The following SF3A1 variants were observed in gnomAD, a reference collection of about 807,000 sequenced individuals.
SF3A1 encodes splicing factor 3a subunit 1, also known as SAP 114.
Under a neutral mutation model 89.9 loss-of-function variants are expected in SF3A1, and 13 were observed. The observed-to-expected ratio is 0.14, with a 90% CI of 0.09 to 0.23. The LOEUF (loss-of-function observed/expected upper bound fraction) is 0.23. Ranked by LOEUF, SF3A1 falls within the 10% of genes least tolerant of loss-of-function variation. The probability of loss-of-function intolerance (pLI) is 1.00; values close to 1 mark genes in which losing one functional copy is unlikely to be tolerated. For synonymous variants in SF3A1, 405 were observed against 374.4 expected (o/e 1.08, Z -0.94); for missense variants, 604 against 1,022.1 (o/e 0.59, Z 5.58).
At chr22:30,335,921 C>T (rs949375848) in intron 13 of SF3A1, among the ~76,000 whole-genome samples, 168 bp from the exon 14 acceptor site, 10 of 152,302 alleles carry the variant, frequency 6.6e-5, no homozygotes, top group African/African-American at 2.4e-4. Flanking sequence ...AAGTCACCCC[C>T]CTTTGCAAGA....
chr22:30,347,434 A>T (rs1319936458), intron 2 of SF3A1, among the ~76,000 whole-genome samples: 1 of 152,248 alleles, frequency 6.6e-6, no homozygotes, highest in East Asian at 1.9e-4. Flanking sequence ...GTACAGCTGT[A>T]TAAGGCACCT....
chr22:30,342,393 T>A (rs1208194342), intron 5 of SF3A1, 43 bp from the exon 6 acceptor site: 3 of 1,556,716 alleles, frequency 1.9e-6, no homozygotes. Flanking sequence ...TGAAGCAGGG[T>A]CTGCTCCTGA....
chr22:30,355,356 T>C (rs543351422), intron 1 of SF3A1, among the ~76,000 whole-genome samples: 1 of 152,270 alleles, frequency 6.6e-6, no homozygotes, highest in African/African-American at 2.4e-5. Flanking sequence ...AACTGAGAGA[T>C]GGAGAGCTTA....
chr22:30,348,942 A>G (rs1931501911), intron 2 of SF3A1, among the ~76,000 whole-genome samples: 1 of 152,248 alleles, frequency 6.6e-6, no homozygotes, highest in African/African-American at 2.4e-5. Flanking sequence ...ATTCCAAGCT[A>G]TTCAGTTGCT....
At chr22:30,339,099 G>A in intron 10 of SF3A1, 31 bp downstream of exon 10, 5 of 1,613,996 alleles carry the variant, frequency 3.1e-6, no homozygotes, top group Non-Finnish European at 4.2e-6. Flanking sequence ...ACGGGGGGCA[G>A]AGAAGGCACT....
At chr22:30,353,669 A>T (rs754591388) in intron 1 of SF3A1, among the ~76,000 whole-genome samples, 5 of 152,142 alleles carry the variant, frequency 3.3e-5, no homozygotes, top group Non-Finnish European at 5.9e-5. Context: ...ACTCTTTCAC[A>T]TAGACCTTTA....
chr22:30,334,515 G>T lies in SF3A1; in HGVS notation c.*79C>A, dbSNP rs1467723150. On this transcript the variant is annotated 3_prime_UTR_variant, in exon 16 of 16. Coordinates refer to ENST00000215793, the MANE Select transcript of SF3A1 (RefSeq NM_005877.6). Reference sequence around the variant, plus strand: ...ATATGCAGGCAAGGCAAAGCCTCAGGGGGGCTCCTGGGTCTGGGGCAGGGG... The same window carrying T: ...ATATGCAGGCAAGGCAAAGCCTCAGTGGGGCTCCTGGGTCTGGGGCAGGGG... 1 of 847,398 alleles carries T rather than the reference G, an allele frequency of 1.2e-6. No homozygotes were observed. Among genetic ancestry groups the T allele is most frequent in the African/African-American group, 1.8e-5 (1 of 56,368 alleles). 52.5% of individuals were successfully genotyped at this position (847,398 alleles called of 1,614,324 possible).
rs1397025776 is a variant in SF3A1, at chr22:30,350,320, AAT to A, written c.185+2629_185+2630del. Among the ~76,000 whole-genome samples, 7 of 150,660 alleles carry A rather than the reference AAT, an allele frequency of 4.6e-5. 1 individual carries two copies. Among genetic ancestry groups the A allele is most frequent in the Middle Eastern group, 3.5e-3 (1 of 284 alleles). ...CAAAAAAACTAAAAAAAATAAAAAA[AAT>A]AAAAAAAAAATTAGCTGGGTGTGGT... On this transcript the variant is annotated intron_variant, in intron 2 of 15. Coordinates refer to ENST00000215793, the MANE Select transcript of SF3A1 (RefSeq NM_005877.6).
intron 7 of SF3A1, 123 bp downstream of exon 7, chr22:30,341,569 T>G: frequency 1.9e-6 from 1 of 521,272 alleles, no homozygotes; most frequent in Admixed American, 3.3e-5. Context: ...TGTATGGCCT[T>G]GTTCAGGACC....
chr22:30,340,165 A>G, intron 9 of SF3A1, 31 bp downstream of exon 9: 1 of 1,460,732 alleles, frequency 6.8e-7, no homozygotes, highest in Non-Finnish European at 9.0e-7. Context: ...TTCGGAGACT[A>G]CCATGGGCTC....
In SF3A1 at chr22:30,356,746, G is replaced by T; in HGVS notation, c.47C>A (p.Pro16His). The change falls in exon 1 of 16, where the codon CCC becomes CAC. Residue 16 changes from proline to histidine, a missense_variant. Transcript: ENST00000215793. ...VQAVPPPPPV[P>H]TEPKQPTEEE... ...GAGAGGTACCTGTTTGGGCTCCGTG[G>T]GCACGGGCGGCGGCGGGGGCACCGC... The T allele has an allele frequency of 6.7e-7, 1 of 1,493,730 alleles. No homozygotes were observed. The highest frequency in any genetic ancestry group is 8.9e-7 in the Non-Finnish European group (1 of 1,117,672). 92.5% of individuals were successfully genotyped at this position (1,493,730 alleles called of 1,614,324 possible).
chr22:30,341,508 C>T (rs1020093518), intron 7 of SF3A1, among the ~76,000 whole-genome samples, 184 bp downstream of exon 7: 4 of 152,150 alleles, frequency 2.6e-5, no homozygotes, highest in Non-Finnish European at 5.9e-5. Flanking sequence ...ATGAATGAAT[C>T]TTTGTTGCCG....
intron 5 of SF3A1, 91 bp from the exon 6 acceptor site, chr22:30,342,441 G>A (rs1278778299): frequency 1.9e-5 from 26 of 1,382,380 alleles, no homozygotes; most frequent in Non-Finnish European, 2.3e-5. Flanking sequence ...CAAAGTCAGC[G>A]CCTCCTTCGG....
At position 30,335,462 on chromosome 22, in the gene SF3A1, C is replaced by G. The variant is rs1931036245; in HGVS notation, c.2280+5G>C. 6.2e-7 allele frequency: 1 copy of G among 1,613,448 alleles called. No homozygotes were observed. The highest frequency in any genetic ancestry group is 1.3e-5 in the African/African-American group (1 of 74,924). ...AGGGACAGGTCTGTGGACAAACTGA[C>G]TCACCTCATACTGTAGCTTCTGTTT... On this transcript the variant is annotated splice_donor_5th_base_variant and intron_variant, in intron 15 of 15. Transcript: ENST00000215793.
intron 5 of SF3A1, 200 bp downstream of exon 5, chr22:30,342,605 G>A (rs1931295058): frequency 1.6e-6 from 1 of 623,150 alleles, no homozygotes; most frequent in South Asian, 2.0e-5. Context: ...ATATATTGAG[G>A]CTGAGAGCAA....
chr22:30,338,681 C>G, intron 11 of SF3A1, 108 bp downstream of exon 11: 1 of 1,402,456 alleles, frequency 7.1e-7, no homozygotes. Flanking sequence ...AACTGACCCA[C>G]CCAACACTCA....
rs1417915703 is a variant in SF3A1, at chr22:30,345,025, G to C, written c.559C>G (p.Gln187Glu). The change falls in exon 4 of 16, where the codon CAG becomes GAG. Residue 187 changes from glutamine to glutamate, a missense_variant. Transcript: ENST00000215793. ...AACTGGTAGTTGCGCTGCTCTTTCT[G>C]CATCAGCTGGGTCAGAAACTGGCGC... The part of the protein sequence containing the change: ...NGRQFLTQLM[Q>E]KEQRNYQFDF... 1.9e-6 allele frequency: 3 copies of C among 1,614,100 alleles called. No homozygotes were observed. The highest frequency in any genetic ancestry group is 2.2e-5 in the South Asian group (2 of 91,094).
chr22:30,344,829 G>T, intron 4 of SF3A1, 104 bp downstream of exon 4: 1 of 1,326,296 alleles, frequency 7.5e-7, no homozygotes, highest in Non-Finnish European at 1.0e-6. Flanking sequence ...GAGGCCCCAT[G>T]GAGAAGCGAT....
At chr22:30,351,614 C>T (rs1363700822) in intron 2 of SF3A1, among the ~76,000 whole-genome samples, 1 of 152,182 alleles carries the variant, frequency 6.6e-6, no homozygotes. Context: ...GATCCTCTTG[C>T]CTCAGCCTCC....
Sources: allele counts gnomAD v4.1 joint callset (sites outside exome capture counted in the v4.1 genomes callset), GRCh38; gene constraint gnomAD v4.1.1; transcripts MANE v1.5; gene names NCBI Gene and HGNC (gene_info 2026-07-23, HGNC 2026-07-21).